TMEM132D: variants seen among roughly 807,000 people sequenced by gnomAD.
The protein encoded by TMEM132D is transmembrane protein 132D.
TMEM132D carries 21 observed loss-of-function variants against 62.3 expected under a neutral mutation model. The ratio of observed to expected loss-of-function variants is 0.34; its 90% CI spans 0.24 to 0.49. The LOEUF (loss-of-function observed/expected upper bound fraction) is 0.49, where lower values mean the gene tolerates loss of function less well. Ranked by LOEUF, TMEM132D falls within the 20% of genes least tolerant of loss-of-function variation. TMEM132D has a pLI of 0.99. For missense variants in TMEM132D, 1,346 were observed against 1,402.8 expected (o/e 0.96, Z 0.65); for synonymous variants, 621 against 575.6 (o/e 1.08, Z -1.13).
At chr12:129,291,320 G>T (rs149119014) in intron 4 of TMEM132D, among the ~76,000 whole-genome samples, 1 of 152,278 alleles carries the variant, frequency 6.6e-6, no homozygotes, top group African/African-American at 2.4e-5. Flanking sequence ...GCAGCTTGTA[G>T]GTTAAAAGTA....
At chr12:129,407,201 A>T (rs1344211518) in intron 3 of TMEM132D, among the ~76,000 whole-genome samples, 1 of 152,260 alleles carries the variant, frequency 6.6e-6, no homozygotes, top group Non-Finnish European at 1.5e-5. Context: ...ACCGCAGGCT[A>T]ATTCTTAGGA....
intron 3 of TMEM132D, among the ~76,000 whole-genome samples, chr12:129,426,369 T>C (rs116249619): frequency 0.017 from 2,549 of 152,278 alleles, 88 homozygotes; most frequent in African/African-American, 0.059. Flanking sequence ...CGACCACACC[T>C]AGGAGCAAGG....
chr12:129,859,124 C>T (rs1466939645), intron 1 of TMEM132D, among the ~76,000 whole-genome samples: 2 of 152,170 alleles, frequency 1.3e-5, no homozygotes, highest in African/African-American at 4.8e-5. Context: ...TCATCCGTTC[C>T]ACCACGTGAG....
intron 5 of TMEM132D, among the ~76,000 whole-genome samples, chr12:129,117,176 T>G (rs929211895): frequency 2.0e-5 from 3 of 152,152 alleles, no homozygotes; most frequent in African/African-American, 7.2e-5. Context: ...TATTCTGTAT[T>G]CTATATTAGA....
intron 7 of TMEM132D, among the ~76,000 whole-genome samples, chr12:129,079,252 G>A (rs188586239): frequency 1.3e-5 from 2 of 152,234 alleles, no homozygotes; most frequent in Admixed American, 6.5e-5. Flanking sequence ...TCTCAATCAC[G>A]CGTGTCACTG....
At chr12:129,291,762 C>T (rs1342410419) in intron 4 of TMEM132D, among the ~76,000 whole-genome samples, 1 of 151,892 alleles carries the variant, frequency 6.6e-6, no homozygotes, top group African/African-American at 2.4e-5. Context: ...GGGAGAAACT[C>T]TAGGGGAAAA....
intron 4 of TMEM132D, among the ~76,000 whole-genome samples, chr12:129,304,228 C>A (rs1007515445): frequency 2.0e-5 from 3 of 152,208 alleles, no homozygotes; most frequent in Non-Finnish European, 4.4e-5. Flanking sequence ...CAGCTCCTTG[C>A]CTGACAACTC....
chr12:129,373,155 G>C (rs779564091), intron 3 of TMEM132D, among the ~76,000 whole-genome samples: 14 of 152,166 alleles, frequency 9.2e-5, no homozygotes, highest in Non-Finnish European at 1.2e-4. Context: ...ATTTGAAACA[G>C]ACCTTTGGAA....
At chr12:129,244,628 TTTTTGTTTTGTTTTG>T (rs528876499) in intron 4 of TMEM132D, among the ~76,000 whole-genome samples, 1 of 151,926 alleles carries the variant, frequency 6.6e-6, no homozygotes, top group East Asian at 1.9e-4. Context: ...TTTTGTTTTA[TTTTTGTTTTGTTTTG>T]TTTTGTTTTG....
intron 2 of TMEM132D, among the ~76,000 whole-genome samples, chr12:129,672,657 T>C (rs1565944022): frequency 6.6e-6 from 1 of 152,236 alleles, no homozygotes; most frequent in Non-Finnish European, 1.5e-5. Flanking sequence ...TTTAAGAGTA[T>C]GTGAGCTTTG....
At chr12:129,287,885 G>A (rs899300827) in intron 4 of TMEM132D, among the ~76,000 whole-genome samples, 1 of 152,170 alleles carries the variant, frequency 6.6e-6, no homozygotes, top group Non-Finnish European at 1.5e-5. Flanking sequence ...TGGGCTCTTT[G>A]TTCTGATGCA....
intron 3 of TMEM132D, among the ~76,000 whole-genome samples, chr12:129,489,259 G>A (rs1321488088): frequency 2.0e-5 from 3 of 152,090 alleles, no homozygotes; most frequent in Non-Finnish European, 2.9e-5. Context: ...CAAATATTGG[G>A]TCATTCTCCA....
chr12:129,370,530 C>T (rs1411903191), intron 3 of TMEM132D, among the ~76,000 whole-genome samples: 1 of 152,092 alleles, frequency 6.6e-6, no homozygotes, highest in African/African-American at 2.4e-5. Context: ...TAGGTTCCAG[C>T]CTTAGTGTTG....
intron 3 of TMEM132D, among the ~76,000 whole-genome samples, chr12:129,362,381 A>C (rs1870274548): frequency 6.6e-6 from 1 of 152,070 alleles, no homozygotes; most frequent in Non-Finnish European, 1.5e-5. Flanking sequence ...TTAAAAGTGA[A>C]ATGTCCTTGA....
In TMEM132D at chr12:129,532,603, G is replaced by C. The variant is rs550331964; in HGVS notation, c.969-1398C>G. Among the ~76,000 whole-genome samples, 38 of 152,330 alleles carry C rather than the reference G, an allele frequency of 2.5e-4. 1 individual carries two copies. The highest frequency in any genetic ancestry group is 1.9e-3 in the East Asian group (10 of 5,168). ...CTCCTTAGGAAAGCCTGCTGGCAAG[G>C]GTGGCTGGGAACTTGGATTTGGGGA... is the stretch of plus-strand genomic sequence containing the variant. On this transcript the variant is annotated intron_variant, in intron 2 of 8. Transcript: ENST00000422113.
At chr12:129,406,963 AT>A (rs1478136832) in intron 3 of TMEM132D, among the ~76,000 whole-genome samples, 11 of 152,146 alleles carry the variant, frequency 7.2e-5, no homozygotes, top group Non-Finnish European at 1.5e-4. Flanking sequence ...TGACAGATTT[AT>A]TTTCCTTTGA....
chr12:129,390,454 C>G (rs1437836199), intron 3 of TMEM132D, among the ~76,000 whole-genome samples: 2 of 152,114 alleles, frequency 1.3e-5, no homozygotes, highest in Non-Finnish European at 2.9e-5. Flanking sequence ...AGTCCACACT[C>G]CTAACCAGAA....
At chr12:129,190,920 T>G (rs890729258) in intron 5 of TMEM132D, among the ~76,000 whole-genome samples, 1 of 152,096 alleles carries the variant, frequency 6.6e-6, no homozygotes, top group African/African-American at 2.4e-5. Flanking sequence ...CCCTCAGACC[T>G]CAGGACAGGC....
In TMEM132D at chr12:129,211,374, G is replaced by A. The variant is rs1013739; in HGVS notation, c.1300-1711C>T. On this transcript the variant is annotated intron_variant, in intron 4 of 8. Transcript: ENST00000422113. Reference sequence around the variant, plus strand: ...TACTTTCACTCATGGTTATTCAATCGCTTTATTTTCCTTCTAAGACTGCGA... The same window carrying A: ...TACTTTCACTCATGGTTATTCAATCACTTTATTTTCCTTCTAAGACTGCGA... Among the ~76,000 whole-genome samples the A allele has an allele frequency of 3.1e-3, 468 of 152,154 alleles. 14 individuals are homozygous for A. In the East Asian group the frequency reaches 0.076, roughly 25 times the overall value.
Sources: allele counts gnomAD v4.1 joint callset (sites outside exome capture counted in the v4.1 genomes callset), GRCh38; gene constraint gnomAD v4.1.1; transcripts MANE v1.5; gene names NCBI Gene and HGNC (gene_info 2026-07-23, HGNC 2026-07-21).